Variants in DGKI observed in about 807,000 individuals in gnomAD.
DGKI encodes DAG kinase iota.
Under a neutral mutation model 147.5 loss-of-function variants are expected in DGKI, and 55 were observed. That is an observed-to-expected ratio of 0.37 (90% CI 0.30 to 0.47). The LOEUF (loss-of-function observed/expected upper bound fraction) is 0.47, where lower values mean the gene tolerates loss of function less well. Ranked by LOEUF, DGKI falls within the 20% of genes least tolerant of loss-of-function variation. The pLI, the probability that DGKI is intolerant of heterozygous loss-of-function variation, is 1.00. For missense variants in DGKI, 1,007 were observed against 1,323.8 expected (o/e 0.76, Z 3.71); for synonymous variants, 469 against 477.1 (o/e 0.98, Z 0.22).
At chr7:137,493,726 T>C (rs998111963) in intron 21 of DGKI, 15 of 700,346 alleles carry the variant, frequency 2.1e-5, no homozygotes, top group Non-Finnish European at 3.6e-5. Context: ...CCCACAAAGA[T>C]GAAAAAGAAC....
chr7:137,743,574 A>T (rs1467945199), intron 1 of DGKI, among the ~76,000 whole-genome samples: 1 of 152,226 alleles, frequency 6.6e-6, no homozygotes, highest in Non-Finnish European at 1.5e-5. Flanking sequence ...TCAAAAAATT[A>T]TTTGAAACAA....
chr7:137,759,911 G>A (rs1795806463), intron 1 of DGKI, among the ~76,000 whole-genome samples: 1 of 152,108 alleles, frequency 6.6e-6, no homozygotes, highest in Non-Finnish European at 1.5e-5. Context: ...AGTAAAAAAT[G>A]TGGTATCCTG....
chr7:137,449,591 T>C (rs1011677903), intron 27 of DGKI, among the ~76,000 whole-genome samples: 2 of 152,138 alleles, frequency 1.3e-5, no homozygotes, highest in African/African-American at 4.8e-5. Context: ...ATTTTGGACA[T>C]GACCTCAAAA....
chr7:137,686,646 A>G (rs962951846), intron 2 of DGKI, among the ~76,000 whole-genome samples: 7 of 152,208 alleles, frequency 4.6e-5, no homozygotes, highest in Admixed American at 3.9e-4. Context: ...ATGCTTAAAG[A>G]GAAGTATTAA....
intron 28 of DGKI, among the ~76,000 whole-genome samples, chr7:137,443,731 A>T (rs1353563711): frequency 3.0e-4 from 45 of 152,152 alleles, no homozygotes; most frequent in Non-Finnish European, 1.0e-4. Flanking sequence ...TACCACAAAA[A>T]TTTTTATCAT....
At chr7:137,546,811 C>G (rs1817883475) in intron 20 of DGKI, among the ~76,000 whole-genome samples, 1 of 152,354 alleles carries the variant, frequency 6.6e-6, no homozygotes, top group Admixed American at 6.5e-5. Flanking sequence ...TACATAACTT[C>G]TCATGCAAAG....
Position 137,618,151 on chromosome 7 carries a change from A to ATATATTTTTT in DGKI, c.993+1672_993+1673insAAAAAATATA. Among the ~76,000 whole-genome samples the ATATATTTTTT allele has an allele frequency of 1.3e-3, 14 of 10,466 alleles. 1 individual carries two copies. The highest frequency in any genetic ancestry group is 3.0e-3 in the Non-Finnish European group (5 of 1,650). The allele number at this position is 10,466 out of a possible 152,430, so 6.9% of individuals were successfully genotyped here. A position where few individuals can be genotyped will look rare whatever the true frequency, so the allele number is the denominator to read the frequency against. ...ACTATATATATATATATATATATAT[A>ATATATTTTTT]TTTTTTTTTTTTTACTCTATCATTC... is the stretch of plus-strand genomic sequence containing the variant. On this transcript the variant is annotated intron_variant, in intron 8 of 32. Transcript: ENST00000614521.
intron 20 of DGKI, among the ~76,000 whole-genome samples, chr7:137,542,645 T>C (rs954732355): frequency 1.3e-5 from 2 of 152,190 alleles, no homozygotes; most frequent in Admixed American, 6.5e-5. Context: ...GCAGCTCTTT[T>C]GGGGTGACTG....
At chr7:137,793,597 G>A (rs973644300) in intron 1 of DGKI, among the ~76,000 whole-genome samples, 4 of 152,134 alleles carry the variant, frequency 2.6e-5, no homozygotes, top group African/African-American at 2.4e-5. Flanking sequence ...TTGAGCCACT[G>A]CACCCGGCCT....
chr7:137,424,672 G>T (rs1812714763), intron 28 of DGKI, among the ~76,000 whole-genome samples: 1 of 152,190 alleles, frequency 6.6e-6, no homozygotes, highest in African/African-American at 2.4e-5. Context: ...GGAAAATCAG[G>T]TCACTCCCAC....
rs145090122 is a variant in DGKI at position 137,660,779 on chromosome 7, A to C, written c.607-4239T>G. On this transcript the variant is annotated intron_variant, in intron 3 of 32. Coordinates refer to ENST00000614521, the MANE Select transcript of DGKI (RefSeq NM_001321708.2). ...GGGAGTTGAGAGAGTTTGATGGAGAAAAACAGGAAAGGAAGGATGGGAAAG... is the reference window on the plus strand; with the variant it reads ...GGGAGTTGAGAGAGTTTGATGGAGACAAACAGGAAAGGAAGGATGGGAAAG... Among the ~76,000 whole-genome samples, 314 of 152,208 alleles carry C rather than the reference A, an allele frequency of 2.1e-3. 1 individual carries two copies. Among genetic ancestry groups the C allele is most frequent in the African/African-American group, 7.0e-3 (291 of 41,516 alleles).
intron 27 of DGKI, 29 bp from the exon 28 acceptor site, chr7:137,444,131 A>G: frequency 8.2e-7 from 1 of 1,223,732 alleles, no homozygotes; most frequent in Non-Finnish European, 1.2e-6. Flanking sequence ...CATGATCAAT[A>G]TTTTATATGA....
At chr7:137,764,694 T>C (rs1253883514) in intron 1 of DGKI, among the ~76,000 whole-genome samples, 1 of 152,196 alleles carries the variant, frequency 6.6e-6, no homozygotes, top group Admixed American at 6.5e-5. Flanking sequence ...TTTTGTCCTG[T>C]TTTATTGAAT....
chr7:137,453,578 C>A (rs1814062157), intron 27 of DGKI, among the ~76,000 whole-genome samples: 1 of 152,188 alleles, frequency 6.6e-6, no homozygotes, highest in South Asian at 2.1e-4. Flanking sequence ...TTACAGCAAA[C>A]ACACAGAGTG....
At chr7:137,778,307 TGCCAAA>T (rs1796419271) in intron 1 of DGKI, among the ~76,000 whole-genome samples, 1 of 152,046 alleles carries the variant, frequency 6.6e-6, no homozygotes, top group Non-Finnish European at 1.5e-5. Flanking sequence ...GTCTAGGAAA[TGCCAAA>T]TGGTTCAATA....
chr7:137,382,548 T>G lies in DGKI; in HGVS notation c.*8672A>C, dbSNP rs1437049300. 1 of 152,108 alleles carries G rather than the reference T, an allele frequency of 6.6e-6. No homozygotes were observed. The highest frequency in any genetic ancestry group is 1.5e-5 in the Non-Finnish European group (1 of 67,992). The allele number at this position is 152,108 out of a possible 1,614,324, so 9.4% of individuals were successfully genotyped here. ...CTGCATAAACTGAAATTTTCACAAC[T>G]AATACCCCTTGAAGCCACTTTGAAC... On this transcript the variant is annotated 3_prime_UTR_variant, in exon 33 of 33. Coordinates refer to ENST00000614521, the MANE Select transcript of DGKI (RefSeq NM_001321708.2).
intron 21 of DGKI, among the ~76,000 whole-genome samples, chr7:137,517,403 G>T (rs539990268): frequency 1.4e-5 from 2 of 147,000 alleles, no homozygotes; most frequent in East Asian, 3.9e-4. Context: ...GAGAAAGAGA[G>T]AGAAAGAGAG....
Position 137,403,134 on chromosome 7 carries a change from C to A in DGKI, c.2920+4741G>T, listed in dbSNP as rs188229788. Reference sequence around the variant, plus strand: ...TTGAAAGGAGCTGAAAAGCGGGAAGCACTGAGAGGAATCTCAGCTGGAATC... The same window carrying A: ...TTGAAAGGAGCTGAAAAGCGGGAAGAACTGAGAGGAATCTCAGCTGGAATC... On this transcript the variant is annotated intron_variant, in intron 30 of 32. Transcript: ENST00000614521. Among the ~76,000 whole-genome samples the A allele has an allele frequency of 3.2e-3, 483 of 152,150 alleles. 3 individuals are homozygous for A. The highest frequency in any genetic ancestry group is 4.7e-3 in the Non-Finnish European group (321 of 67,990).
At chr7:137,557,922 G>A (rs1360453017) in intron 19 of DGKI, among the ~76,000 whole-genome samples, 3 of 152,060 alleles carry the variant, frequency 2.0e-5, no homozygotes, top group East Asian at 3.8e-4. Flanking sequence ...ATCTTCTCTC[G>A]CTGTCCCTCT....
Sources: gnomAD v4.1 joint callset for allele counts (sites outside exome capture counted in the v4.1 genomes callset) on GRCh38, gnomAD v4.1.1 for gene constraint, MANE v1.5 for transcripts, NCBI Gene and HGNC (gene_info 2026-07-23, HGNC 2026-07-21) for gene names.